Variants in GFRA1 observed in about 807,000 individuals in gnomAD.
GFRA1 encodes the protein GDNF family receptor alpha 1.
GFRA1 carries 16 observed loss-of-function variants against 51.6 expected under a neutral mutation model. The ratio of observed to expected loss-of-function variants is 0.31; its 90% CI spans 0.21 to 0.47. The LOEUF is 0.47. Ranked by LOEUF, GFRA1 falls within the 20% of genes least tolerant of loss-of-function variation. The pLI is 1.00. For missense variants in GFRA1, 530 were observed against 594.3 expected, an observed-to-expected ratio of 0.89 and a Z score of 1.13; for synonymous variants, 270 against 241.3, an observed-to-expected ratio of 1.12 and a Z score of -1.10.
intron 5 of GFRA1, among the ~76,000 whole-genome samples, chr10:116,129,055 C>G (rs12769014): frequency 0.36 from 54,486 of 151,926 alleles, 10,028 homozygotes; most frequent in East Asian, 0.4. Flanking sequence ...ATTCTAGAAT[C>G]CGCAACCTGG....
intron 5 of GFRA1, among the ~76,000 whole-genome samples, chr10:116,182,285 T>C (rs7917174): frequency 0.88 from 133,849 of 152,224 alleles, 58,911 homozygotes; most frequent in Admixed American, 0.93. Flanking sequence ...TAGTAATTAA[T>C]ACAGCAACTA....
At position 116,272,032 on chromosome 10, in the gene GFRA1, TGC is replaced by T. The variant is rs1216201493; in HGVS notation, c.-5_-4del. 19 of 1,555,602 alleles carry T rather than the reference TGC, an allele frequency of 1.2e-5. No individual in the cohort carries two copies. Among genetic ancestry groups the T allele is most frequent in the Admixed American group, 1.9e-5 (1 of 52,094 alleles). On this transcript the variant is annotated 5_prime_UTR_variant, in exon 2 of 11. Transcript: ENST00000355422. This position sits in a 1 kb window ranked among gnomAD's most constrained non-coding sequence, Gnocchi z 4.4. ...AAGTACAGGGTCGCCAGGAACATGG[TGC>T]CGGCGCGGGGCTGGTCCCCGCCCCC...
chr10:116,111,131 A>G (rs1168543874), intron 6 of GFRA1, among the ~76,000 whole-genome samples: 4 of 152,216 alleles, frequency 2.6e-5, no homozygotes, highest in Admixed American at 6.5e-5. Flanking sequence ...TTATTCGAAT[A>G]GCCCAGGCCA....
intron 4 of GFRA1, among the ~76,000 whole-genome samples, chr10:116,226,417 T>G (rs1309810951): frequency 6.6e-6 from 1 of 152,228 alleles, no homozygotes; most frequent in African/African-American, 2.4e-5. Context: ...AGACCACTAT[T>G]CACAGAAAGG....
chr10:116,251,701 A>C (rs1353252003), intron 4 of GFRA1, among the ~76,000 whole-genome samples: 1 of 152,130 alleles, frequency 6.6e-6, no homozygotes, highest in African/African-American at 2.4e-5. Flanking sequence ...CAAATCTGTC[A>C]ATTCCAGCAT....
intron 9 of GFRA1, among the ~76,000 whole-genome samples, chr10:116,068,434 A>G (rs1955218068): frequency 6.6e-6 from 1 of 152,208 alleles, no homozygotes; most frequent in Non-Finnish European, 1.5e-5. Flanking sequence ...ACACCAAATG[A>G]GATGAGGGCC....
chr10:116,252,566 T>C lies in GFRA1; in HGVS notation c.418+16937A>G, dbSNP rs929800296. Among the ~76,000 whole-genome samples, 19 of 152,066 alleles carry C rather than the reference T, an allele frequency of 1.2e-4. 2 individuals carry two copies. Among genetic ancestry groups the C allele is most frequent in the Admixed American group, 1.2e-3 (18 of 15,268 alleles). On this transcript the variant is annotated intron_variant, in intron 4 of 10. Coordinates refer to ENST00000355422, the MANE Select transcript of GFRA1 (RefSeq NM_005264.8). Reference sequence around the variant, plus strand: ...AATGGTCATGCATCTCAGGGTGGCATGTGCAAAGATACTGAGCAGTCTCCA... The same window carrying C: ...AATGGTCATGCATCTCAGGGTGGCACGTGCAAAGATACTGAGCAGTCTCCA...
chr10:116,094,304 C>T (rs757637821), intron 7 of GFRA1, among the ~76,000 whole-genome samples: 52 of 152,144 alleles, frequency 3.4e-4, no homozygotes, highest in African/African-American at 9.9e-4. Flanking sequence ...AGCTTCCTAG[C>T]GGTTAGCCTG....
At chr10:116,131,906 A>G (rs1958119972) in intron 5 of GFRA1, among the ~76,000 whole-genome samples, 2 of 65,412 alleles carry the variant, frequency 3.1e-5, no homozygotes, top group Admixed American at 1.3e-4. Flanking sequence ...CTCAAAAGGA[A>G]AAAAAAAAAA....
intron 4 of GFRA1, among the ~76,000 whole-genome samples, chr10:116,224,941 T>C (rs1385829259): frequency 6.6e-6 from 1 of 152,148 alleles, no homozygotes; most frequent in Non-Finnish European, 1.5e-5. Flanking sequence ...CAGCTGTTTA[T>C]CCTATGAACA....
intron 6 of GFRA1, among the ~76,000 whole-genome samples, chr10:116,101,310 C>G (rs994787177): frequency 5.3e-5 from 8 of 152,176 alleles, no homozygotes; most frequent in African/African-American, 1.7e-4. Flanking sequence ...GACATGAAAT[C>G]TCCATGACGA....
chr10:116,264,479 A>G (rs962791508), intron 4 of GFRA1, among the ~76,000 whole-genome samples: 14 of 152,352 alleles, frequency 9.2e-5, no homozygotes, highest in Admixed American at 5.2e-4. Context: ...TCCAGTGGGA[A>G]AAACAGACAC....
chr10:116,083,941 C>A (rs759538000), intron 9 of GFRA1, among the ~76,000 whole-genome samples: 3 of 152,104 alleles, frequency 2.0e-5, no homozygotes, highest in Non-Finnish European at 4.4e-5. Flanking sequence ...CTACAAGTAC[C>A]TGTTTTCTAA....
chr10:116,260,661 T>TA (rs1304734782), intron 4 of GFRA1, among the ~76,000 whole-genome samples: 1 of 151,330 alleles, frequency 6.6e-6, no homozygotes, highest in East Asian at 1.9e-4. Context: ...TTACAGAAGA[T>TA]AAAAAATCAT....
chr10:116,211,075 C>T (rs1438436233), intron 5 of GFRA1, among the ~76,000 whole-genome samples: 1 of 152,202 alleles, frequency 6.6e-6, no homozygotes, highest in African/African-American at 2.4e-5. Flanking sequence ...ATGACCTTGC[C>T]TGGTAAAACA....
intron 5 of GFRA1, among the ~76,000 whole-genome samples, chr10:116,163,091 G>C (rs1959995998): frequency 6.6e-6 from 1 of 152,166 alleles, no homozygotes; most frequent in African/African-American, 2.4e-5. Context: ...CCCAGGCCTG[G>C]ATGAGGAAAA....
At chr10:116,175,916 T>C (rs892672087) in intron 5 of GFRA1, among the ~76,000 whole-genome samples, 3 of 151,900 alleles carry the variant, frequency 2.0e-5, no homozygotes, top group Non-Finnish European at 2.9e-5. Flanking sequence ...TGAGGTGGAG[T>C]TCCCAGCTGG....
At chr10:116,146,949 T>A (rs1038918234) in intron 5 of GFRA1, among the ~76,000 whole-genome samples, 8 of 152,132 alleles carry the variant, frequency 5.3e-5, no homozygotes, top group African/African-American at 1.9e-4. Context: ...ATCTTAAACT[T>A]CATTAGCTTC....
At chr10:116,243,669 A>G (rs1348893801) in intron 4 of GFRA1, among the ~76,000 whole-genome samples, 1 of 152,126 alleles carries the variant, frequency 6.6e-6, no homozygotes, top group African/African-American at 2.4e-5. Context: ...TAAAAAATAT[A>G]TATCTGGGAG....
Sources: gnomAD v4.1 joint callset for allele counts (sites outside exome capture counted in the v4.1 genomes callset) on GRCh38, gnomAD v4.1.1 for gene constraint, Gnocchi (gnomAD v3.1) non-coding constraint, MANE v1.5 for transcripts, NCBI Gene and HGNC (gene_info 2026-07-23, HGNC 2026-07-21) for gene names.